Variants in XKR9 observed in about 807,000 individuals in gnomAD.
XKR9 encodes XK-related protein 9.
In XKR9, 32 loss-of-function variants were observed where a neutral mutation model predicts 32.0. That is an observed-to-expected ratio of 1.00 (90% CI 0.76 to 1.34). The LOEUF is 1.34. Ranked by LOEUF, XKR9 falls within the 40% of genes most tolerant of loss-of-function variation. The pLI, the probability that XKR9 is intolerant of heterozygous loss-of-function variation, is 0.00. For synonymous variants in XKR9, 168 were observed against 143.4 expected, an observed-to-expected ratio of 1.17 and a Z score of -1.22; for missense variants, 546 against 429.7, an observed-to-expected ratio of 1.27 and a Z score of -2.39.
At chr8:71,058,789 G>A in the XKR9 span, among the ~76,000 whole-genome samples, 3,538 of 152,328 alleles carry the variant, frequency 0.023, 53 homozygotes, top group Middle Eastern at 0.044. Flanking sequence ...GGTTTAAAAT[G>A]TGTTTTACTC....
the XKR9 span, among the ~76,000 whole-genome samples, chr8:70,996,806 T>C: frequency 6.6e-6 from 1 of 152,012 alleles, no homozygotes; most frequent in African/African-American, 2.4e-5. Context: ...TTGACTTTCC[T>C]CTCTGAATTG....
intron 2 of XKR9, among the ~76,000 whole-genome samples, chr8:70,679,390 T>G (rs905262701): frequency 5.9e-5 from 9 of 152,202 alleles, no homozygotes; most frequent in Non-Finnish European, 1.0e-4. Flanking sequence ...TTTCTTGACC[T>G]TCACAACAAC....
rs1563480014 is a variant in XKR9 at position 70,785,076 on chromosome 8, GA to G, written n.353-4261del. On this transcript the variant is annotated intron_variant and non_coding_transcript_variant, in intron 2 of 3. Transcript: ENST00000520273. ...TTTTGATTTTTTTGGAAGACTTTGA[GA>G]AGGGTTGGTATTAGTTCTTTAAATG... is the stretch of plus-strand genomic sequence containing the variant. Among the ~76,000 whole-genome samples, 10 of 152,118 alleles carry G rather than the reference GA, an allele frequency of 6.6e-5. No individual in the cohort carries two copies. The South Asian group carries it at 2.1e-3, about 31-fold the overall frequency.
the XKR9 span, among the ~76,000 whole-genome samples, chr8:70,874,682 C>A: frequency 2.0e-5 from 3 of 152,144 alleles, no homozygotes; most frequent in Non-Finnish European, 4.4e-5. Context: ...GTATTGACTT[C>A]GTATCTGAAA....
chr8:70,983,722 A>G, the XKR9 span, among the ~76,000 whole-genome samples: 2 of 152,154 alleles, frequency 1.3e-5, no homozygotes, highest in African/African-American at 4.8e-5. Context: ...TGGAGGTTGC[A>G]GTGAGCCAAG....
the XKR9 span, among the ~76,000 whole-genome samples, chr8:70,935,101 G>GTATATATATATA: frequency 7.2e-5 from 10 of 139,022 alleles, no homozygotes; most frequent in Non-Finnish European, 1.2e-4. Context: ...TGTTTCTTCA[G>GTATATATATATA]TATATATATA....
At chr8:70,859,001 A>G in the XKR9 span, among the ~76,000 whole-genome samples, 1 of 152,152 alleles carries the variant, frequency 6.6e-6, no homozygotes. Context: ...AAACATAGAC[A>G]AATAGGATGA....
At chr8:70,715,976 A>G (rs73684538) in intron 4 of XKR9, among the ~76,000 whole-genome samples, 11,054 of 152,130 alleles carry the variant, frequency 0.073, 486 homozygotes, top group Non-Finnish European at 0.089. Flanking sequence ...AAAACATGAG[A>G]GTAAACCAAG....
the XKR9 span, among the ~76,000 whole-genome samples, chr8:71,059,047 CA>C: frequency 6.6e-6 from 1 of 152,224 alleles, no homozygotes; most frequent in Non-Finnish European, 1.5e-5. Flanking sequence ...AAGGAAACGT[CA>C]ACTGTATTTT....
intron 3 of XKR9, among the ~76,000 whole-genome samples, chr8:70,688,075 C>T (rs1448557248): frequency 6.6e-6 from 1 of 152,132 alleles, no homozygotes; most frequent in African/African-American, 2.4e-5. Context: ...TTTTAATTGG[C>T]AATAATAGTT....
At chr8:71,041,972 C>T in the XKR9 span, among the ~76,000 whole-genome samples, 1 of 152,108 alleles carries the variant, frequency 6.6e-6, no homozygotes, top group Non-Finnish European at 1.5e-5. Flanking sequence ...GAGGAAACTC[C>T]TCTGAGGAGG....
chr8:70,750,425 T>C (rs1563467446), intron 2 of XKR9, among the ~76,000 whole-genome samples: 1 of 152,222 alleles, frequency 6.6e-6, no homozygotes, highest in Non-Finnish European at 1.5e-5. Flanking sequence ...GCTGTCTGTG[T>C]ATTCAGTAAT....
chr8:71,041,446 G>A, the XKR9 span, among the ~76,000 whole-genome samples: 5 of 152,216 alleles, frequency 3.3e-5, no homozygotes, highest in Admixed American at 6.5e-5. Flanking sequence ...TGCTAGTGCC[G>A]ATCAAGAATA....
the XKR9 span, among the ~76,000 whole-genome samples, chr8:70,917,654 A>G: frequency 6.6e-6 from 1 of 152,222 alleles, no homozygotes; most frequent in African/African-American, 2.4e-5. Flanking sequence ...GGCTGAATCT[A>G]TTCAGCTTTC....
chr8:70,928,380 C>G, the XKR9 span, among the ~76,000 whole-genome samples: 84 of 152,210 alleles, frequency 5.5e-4, no homozygotes, highest in African/African-American at 2.0e-3. Flanking sequence ...TTTGGTTGAC[C>G]CTGTGGTCTT....
chr8:70,810,313 C>G, the XKR9 span, among the ~76,000 whole-genome samples: 29 of 152,162 alleles, frequency 1.9e-4, no homozygotes, highest in African/African-American at 6.0e-4. Context: ...AAAGGAACAA[C>G]CGGTAACAGC....
chr8:70,694,302 C>T (rs1408829370), intron 3 of XKR9, among the ~76,000 whole-genome samples: 1 of 152,202 alleles, frequency 6.6e-6, no homozygotes, highest in Admixed American at 6.5e-5. Flanking sequence ...GTGTCCACTT[C>T]AGCCCCTGGT....
At chr8:70,978,804 C>T in the XKR9 span, among the ~76,000 whole-genome samples, 1 of 152,134 alleles carries the variant, frequency 6.6e-6, no homozygotes, top group African/African-American at 2.4e-5. Flanking sequence ...TGGGTAAGTT[C>T]TCCTGGATAA....
chr8:70,763,382 A>T (rs1807333321), intron 2 of XKR9, among the ~76,000 whole-genome samples: 1 of 152,158 alleles, frequency 6.6e-6, no homozygotes, highest in Non-Finnish European at 1.5e-5. Context: ...TTTTTCAGAT[A>T]ACTCTAAGGT....
Sources: gnomAD v4.1 joint callset for allele counts (sites outside exome capture counted in the v4.1 genomes callset) on GRCh38, gnomAD v4.1.1 for gene constraint, MANE v1.5 for transcripts, NCBI Gene and HGNC (gene_info 2026-07-23, HGNC 2026-07-21) for gene names.